Variants in EDN1 observed in about 807,000 individuals in gnomAD.
The protein encoded by EDN1 is endothelin-1.
Under a neutral mutation model 21.7 loss-of-function variants are expected in EDN1, and 11 were observed. The observed-to-expected ratio is 0.51, with a 90% CI of 0.32 to 0.84. The LOEUF (loss-of-function observed/expected upper bound fraction) is 0.84, where lower values mean the gene tolerates loss of function less well. Ranked by LOEUF, EDN1 falls within the 40% of genes least tolerant of loss-of-function variation. The pLI, the probability that EDN1 is intolerant of heterozygous loss-of-function variation, is 0.03. For synonymous variants in EDN1, 85 were observed against 90.6 expected, an observed-to-expected ratio of 0.94 and a Z score of 0.35; for missense variants, 244 against 262.3, an observed-to-expected ratio of 0.93 and a Z score of 0.48.
At chr6:12,281,084 G>A in the EDN1 span, among the ~76,000 whole-genome samples, 292 of 152,262 alleles carry the variant, frequency 1.9e-3, 3 homozygotes, top group African/African-American at 6.7e-3. Context: ...GGAAGAGCTC[G>A]TGTGCTCAGC....
chr6:12,264,096 AG>A, the EDN1 span, among the ~76,000 whole-genome samples: 1 of 152,240 alleles, frequency 6.6e-6, no homozygotes, highest in Non-Finnish European at 1.5e-5. Context: ...TAAAATTAAT[AG>A]GCATGTAAGC....
At chr6:12,280,252 A>G in the EDN1 span, among the ~76,000 whole-genome samples, 1 of 152,234 alleles carries the variant, frequency 6.6e-6, no homozygotes, top group African/African-American at 2.4e-5. Flanking sequence ...TATATTCTCA[A>G]TGAAGACGAG....
chr6:12,262,821 G>A, the EDN1 span, among the ~76,000 whole-genome samples: 1 of 149,684 alleles, frequency 6.7e-6, no homozygotes, highest in African/African-American at 2.5e-5. Flanking sequence ...GCAGTGAGCC[G>A]AGATTGCGCC....
At chr6:12,262,581 A>C in the EDN1 span, among the ~76,000 whole-genome samples, 34 of 152,254 alleles carry the variant, frequency 2.2e-4, no homozygotes, top group Non-Finnish European at 4.0e-4. Context: ...GACACATAAA[A>C]ATTTTCAAGG....
upstream of EDN1, among the ~76,000 whole-genome samples, chr6:12,287,690 T>TCC (rs1295178622): frequency 0.023 from 1,565 of 68,890 alleles, 27 homozygotes; most frequent in African/African-American, 0.068. Context: ...TCTCTCTCCC[T>TCC]CTCTCTCTCT....
chr6:12,291,679 A>G (rs557287148), intron 1 of EDN1, among the ~76,000 whole-genome samples: 8 of 152,238 alleles, frequency 5.3e-5, no homozygotes, highest in Admixed American at 4.6e-4. Flanking sequence ...AAATCCCCCC[A>G]GCCTACCTTC....
Position 12,294,398 on chromosome 6 carries a change from A to T in EDN1, c.527A>T (p.Gln176Leu). ...IRRSSEEHLR[Q>L]TRSETMRNSV... ...AGAAGTTCAGAGGAACACCTAAGAC[A>T]AACCAGGTAAGAGGGAAGGAAGAAA... Residue 176 changes from glutamine (Q) to leucine (L), a missense_variant, in exon 4 of 5, where the codon CAA (glutamine) becomes CTA (leucine). Coordinates refer to ENST00000379375, the MANE Select transcript of EDN1 (RefSeq NM_001955.5). 6.2e-7 allele frequency: 1 copy of T among 1,614,152 alleles called. No individual in the cohort carries two copies. The highest frequency in any genetic ancestry group is 8.5e-7 in the Non-Finnish European group (1 of 1,180,012).
chr6:12,260,149 A>C, the EDN1 span, among the ~76,000 whole-genome samples: 1 of 152,156 alleles, frequency 6.6e-6, no homozygotes, highest in Non-Finnish European at 1.5e-5. Flanking sequence ...AAAAACAATA[A>C]GAAAATTAGT....
At chr6:12,289,434 G>A (rs553089509), upstream of EDN1, among the ~76,000 whole-genome samples, 37 of 152,174 alleles carry the variant, frequency 2.4e-4, 1 homozygote, top group East Asian at 5.4e-3. Context: ...CGGCCCCCAA[G>A]CCAGGTTGCG....
the EDN1 span, among the ~76,000 whole-genome samples, chr6:12,279,176 C>T: frequency 1.3e-5 from 2 of 152,188 alleles, no homozygotes; most frequent in African/African-American, 4.8e-5. Flanking sequence ...GTCTCTTCCA[C>T]TACCTTAAAG....
At chr6:12,290,795 G>T in intron 1 of EDN1, 102 bp downstream of exon 1, 1 of 1,030,222 alleles carries the variant, frequency 9.7e-7, no homozygotes, top group South Asian at 1.3e-5. Context: ...TTCTTTTTAT[G>T]ACTGCAGCTT....
chr6:12,275,751 T>C, the EDN1 span, among the ~76,000 whole-genome samples: 1 of 152,100 alleles, frequency 6.6e-6, no homozygotes, highest in African/African-American at 2.4e-5. Context: ...CTGGCTAGAT[T>C]GCAGACTCAC....
the EDN1 span, among the ~76,000 whole-genome samples, chr6:12,270,484 T>C: frequency 6.6e-6 from 1 of 152,174 alleles, no homozygotes; most frequent in East Asian, 1.9e-4. Flanking sequence ...ATTTCCATTT[T>C]CATTTGTATT....
chr6:12,287,264 C>T (rs79307642), upstream of EDN1, among the ~76,000 whole-genome samples: 517 of 146,868 alleles, frequency 3.5e-3, 1 homozygote, highest in African/African-American at 0.013. Flanking sequence ...GGAGCATTTT[C>T]CCCCTGCAGT....
the EDN1 span, among the ~76,000 whole-genome samples, chr6:12,284,041 G>A: frequency 1.3e-5 from 2 of 152,168 alleles, no homozygotes; most frequent in South Asian, 2.1e-4. Context: ...CTTTTCCTCC[G>A]GGGGTATCTG....
At chr6:12,269,220 A>C in the EDN1 span, among the ~76,000 whole-genome samples, 4 of 152,054 alleles carry the variant, frequency 2.6e-5, no homozygotes, top group African/African-American at 9.7e-5. Flanking sequence ...TCAGTTCTAA[A>C]AGTTTTTTGG....
At chr6:12,284,735 G>GAAAGAAA in the EDN1 span, among the ~76,000 whole-genome samples, 4 of 130,516 alleles carry the variant, frequency 3.1e-5, no homozygotes, top group African/African-American at 1.1e-4. Flanking sequence ...AAGGAAGGAA[G>GAAAGAAA]GAAGGAAGGA....
chr6:12,274,952 T>G, the EDN1 span, among the ~76,000 whole-genome samples: 70 of 122,408 alleles, frequency 5.7e-4, no homozygotes, highest in East Asian at 2.7e-3. Flanking sequence ...CTTCCTTCCT[T>G]CCTTCCTTCC....
intron 2 of EDN1, 36 bp from the exon 3 acceptor site, chr6:12,293,905 A>G (rs533746234): frequency 6.2e-7 from 1 of 1,608,022 alleles, no homozygotes; most frequent in Non-Finnish European, 8.5e-7. Context: ...ACTATTAATT[A>G]CACTAATATA....
Sources: gnomAD v4.1 joint callset for allele counts (sites outside exome capture counted in the v4.1 genomes callset) on GRCh38, gnomAD v4.1.1 for gene constraint, MANE v1.5 for transcripts, NCBI Gene and HGNC (gene_info 2026-07-23, HGNC 2026-07-21) for gene names.